NTNG1: variants seen among roughly 807,000 people sequenced by gnomAD.
The protein encoded by NTNG1 is netrin-G1.
NTNG1 carries 16 observed loss-of-function variants against 54.0 expected under a neutral mutation model. The ratio of observed to expected loss-of-function variants is 0.30; its 90% confidence interval spans 0.20 to 0.45. The LOEUF is 0.45. NTNG1 is among the 20% of genes least tolerant of loss of function. The pLI, the probability that NTNG1 is intolerant of heterozygous loss-of-function variation, is 1.00. For missense variants in NTNG1, 530 were observed against 678.7 expected, an observed-to-expected ratio of 0.78 and a Z score of 2.43; for synonymous variants, 255 against 263.1, an observed-to-expected ratio of 0.97 and a Z score of 0.30.
chr1:107,409,027 A>G (rs1673628801), intron 5 of NTNG1: 1 of 152,164 alleles, frequency 6.6e-6, no homozygotes, highest in Admixed American at 6.6e-5. Context: ...GCCACTTTGT[A>G]AATAGAAGTA....
chr1:107,320,595 C>G (rs1363606722), intron 2 of NTNG1, among the ~76,000 whole-genome samples: 2 of 151,518 alleles, frequency 1.3e-5, no homozygotes, highest in Non-Finnish European at 2.9e-5. Context: ...AATATTGTAG[C>G]CTGTAATCTC....
intron 2 of NTNG1, among the ~76,000 whole-genome samples, chr1:107,250,778 G>A (rs988515025): frequency 6.6e-6 from 1 of 152,090 alleles, no homozygotes; most frequent in Non-Finnish European, 1.5e-5. Flanking sequence ...AAGAGAGATA[G>A]GGTGACCTTG....
intron 2 of NTNG1, among the ~76,000 whole-genome samples, chr1:107,234,005 G>A (rs1292313321): frequency 6.6e-6 from 1 of 152,098 alleles, no homozygotes; most frequent in Middle Eastern, 3.2e-3. Flanking sequence ...TTATACCCCG[G>A]AGCCCTGGAG....
At position 107,210,740 on chromosome 1, in the gene NTNG1, C is replaced by G. The variant is rs182842149; in HGVS notation, c.246+61901C>G. Among the ~76,000 whole-genome samples the G allele has an allele frequency of 6.6e-4, 101 of 152,234 alleles. 2 individuals carry two copies. Among genetic ancestry groups the G allele is most frequent in the Admixed American group, 3.9e-3 (60 of 15,292 alleles). ...AGGAATCTACACAAAGATTCAAATT[C>G]TAATCTCTCACCCTAGATTCTAAAC... On this transcript the variant is annotated intron_variant, in intron 2 of 7. Transcript: ENST00000370068.
chr1:107,339,418 C>T (rs1283962191), intron 3 of NTNG1, among the ~76,000 whole-genome samples: 1 of 151,996 alleles, frequency 6.6e-6, no homozygotes, highest in African/African-American at 2.4e-5. Flanking sequence ...ATATAAAGAT[C>T]CTATAATGTA....
intron 2 of NTNG1, among the ~76,000 whole-genome samples, chr1:107,209,554 T>G (rs910770119): frequency 1.3e-5 from 2 of 152,166 alleles, no homozygotes; most frequent in Non-Finnish European, 2.9e-5. Flanking sequence ...CTCTCAGTAA[T>G]CAGTCCCTGA....
intron 5 of NTNG1, among the ~76,000 whole-genome samples, chr1:107,417,883 C>A (rs991916178): frequency 6.6e-6 from 1 of 152,032 alleles, no homozygotes; most frequent in Non-Finnish European, 1.5e-5. Flanking sequence ...AATACCAGTT[C>A]TTAAATTAAT....
intron 2 of NTNG1, among the ~76,000 whole-genome samples, chr1:107,189,810 G>T: frequency 1.1e-5 from 1 of 93,288 alleles, no homozygotes; most frequent in African/African-American, 3.0e-5. Flanking sequence ...GGCCTACCAA[G>T]TCAAAAGTTA....
At chr1:107,366,464 A>G (rs1292670576) in intron 3 of NTNG1, among the ~76,000 whole-genome samples, 2 of 152,226 alleles carry the variant, frequency 1.3e-5, no homozygotes, top group Non-Finnish European at 2.9e-5. Context: ...GGAAATTCGT[A>G]GCTAAAATTA....
At chr1:107,272,673 A>G (rs1462565766) in intron 2 of NTNG1, among the ~76,000 whole-genome samples, 2 of 152,204 alleles carry the variant, frequency 1.3e-5, no homozygotes, top group Non-Finnish European at 2.9e-5. Context: ...CCCCATGTAT[A>G]CAGTTGAGCA....
At position 107,407,686 on chromosome 1, in the gene NTNG1, C is replaced by A. The variant is rs761107256; in HGVS notation, c.1065C>A (p.Ile355=). The A allele has an allele frequency of 6.2e-7, 1 of 1,606,278 alleles. No individual in the cohort carries two copies. The highest frequency in any genetic ancestry group is 1.1e-5 in the South Asian group (1 of 89,818). Residue 355 remains isoleucine (I), a synonymous_variant, in exon 5 of 8, where the codon ATC becomes ATA. Coordinates refer to ENST00000370068, the MANE Select transcript of NTNG1 (RefSeq NM_001113226.3). ...PIPKGTANTC[I]PSISSIGNCE... ...TATTGTTTTCTTTTTCTCCAGGTAT[C>A]CCCAGTATTTCCAGTATTGGTAGTA... is the stretch of plus-strand genomic sequence containing the variant.
chr1:107,273,290 G>A (rs1664263142), intron 2 of NTNG1, among the ~76,000 whole-genome samples: 1 of 152,166 alleles, frequency 6.6e-6, no homozygotes, highest in Non-Finnish European at 1.5e-5. Context: ...GGAGAGCCTG[G>A]AATCAGACGT....
intron 2 of NTNG1, among the ~76,000 whole-genome samples, chr1:107,203,062 C>G (rs79493929): frequency 6.6e-6 from 1 of 151,922 alleles, no homozygotes; most frequent in African/African-American, 2.4e-5. Context: ...TGTACACACA[C>G]TGACCCTCCA....
intron 3 of NTNG1, among the ~76,000 whole-genome samples, 196 bp downstream of exon 3, chr1:107,325,118 TC>T (rs1333788732): frequency 1.3e-5 from 2 of 152,092 alleles, no homozygotes; most frequent in East Asian, 3.9e-4. Context: ...AAACTTGCTG[TC>T]CCTGAACCTG....
At chr1:107,439,545 A>G (rs1405179567) in intron 7 of NTNG1, among the ~76,000 whole-genome samples, 1 of 152,152 alleles carries the variant, frequency 6.6e-6, no homozygotes, top group Non-Finnish European at 1.5e-5. Flanking sequence ...GAATGGGTTG[A>G]AATTAGATTT....
At chr1:107,372,379 A>C (rs1670971786) in intron 3 of NTNG1, among the ~76,000 whole-genome samples, 1 of 151,940 alleles carries the variant, frequency 6.6e-6, no homozygotes, top group Admixed American at 6.6e-5. Context: ...TTATTTTGTC[A>C]GTTCAAAAAT....
chr1:107,340,189 T>C (rs974450686), intron 3 of NTNG1, among the ~76,000 whole-genome samples: 14 of 152,112 alleles, frequency 9.2e-5, no homozygotes, highest in African/African-American at 3.4e-4. Context: ...AAATATCTTA[T>C]GCCTTATTTT....
intron 1 of NTNG1, among the ~76,000 whole-genome samples, chr1:107,143,762 G>A (rs745379931): frequency 6.6e-6 from 1 of 152,034 alleles, no homozygotes; most frequent in Non-Finnish European, 1.5e-5. Flanking sequence ...CCCTGCATGA[G>A]AATTAAATAT....
At chr1:107,301,465 C>A (rs1666311985) in intron 2 of NTNG1, among the ~76,000 whole-genome samples, 1 of 152,128 alleles carries the variant, frequency 6.6e-6, no homozygotes, top group Admixed American at 6.6e-5. Flanking sequence ...GACTTCAAAC[C>A]CATCTAATGT....
Sources: gnomAD v4.1 joint callset for allele counts (sites outside exome capture counted in the v4.1 genomes callset) on GRCh38, gnomAD v4.1.1 for gene constraint, MANE v1.5 for transcripts, NCBI Gene and HGNC (gene_info 2026-07-23, HGNC 2026-07-21) for gene names.